GFRA1: variants seen among roughly 807,000 people sequenced by gnomAD.
GFRA1 encodes GDNF family receptor alpha-1.
Under a neutral mutation model 51.6 loss-of-function variants are expected in GFRA1, and 16 were observed. That is an observed-to-expected ratio of 0.31 (90% CI 0.21 to 0.47). GFRA1 has a LOEUF of 0.47. GFRA1 is among the 20% of genes least tolerant of loss of function. The pLI, the probability that GFRA1 is intolerant of heterozygous loss-of-function variation, is 1.00. For synonymous variants in GFRA1, 270 were observed against 241.3 expected, an observed-to-expected ratio of 1.12 and a Z score of -1.10; for missense variants, 530 against 594.3, an observed-to-expected ratio of 0.89 and a Z score of 1.13.
chr10:116,195,757 G>T (rs1963686164), intron 5 of GFRA1, among the ~76,000 whole-genome samples: 1 of 152,176 alleles, frequency 6.6e-6, no homozygotes, highest in Admixed American at 6.5e-5. Context: ...TGGGCACTCA[G>T]ATTTTCCTGC....
intron 5 of GFRA1, among the ~76,000 whole-genome samples, chr10:116,132,225 A>G (rs531692837): frequency 6.6e-6 from 1 of 152,224 alleles, no homozygotes; most frequent in Non-Finnish European, 1.5e-5. Context: ...ACAAACAAAC[A>G]AACAACAACA....
intron 5 of GFRA1, among the ~76,000 whole-genome samples, chr10:116,208,965 G>A (rs1284046350): frequency 1.3e-5 from 2 of 152,152 alleles, no homozygotes; most frequent in African/African-American, 2.4e-5. Flanking sequence ...ATGTCTCTGT[G>A]GACAACAGGG....
At chr10:116,143,182 G>A (rs1331992135) in intron 5 of GFRA1, among the ~76,000 whole-genome samples, 1 of 152,134 alleles carries the variant, frequency 6.6e-6, no homozygotes, top group Non-Finnish European at 1.5e-5. Flanking sequence ...TATACTCCAA[G>A]TGTATATTCA....
Position 116,060,697 on chromosome 10 carries a change from A to G in GFRA1, c.*3701T>C, listed in dbSNP as rs1954767585. ...AACAGAGGCAAGAGCAAGACAGATC[A>G]TGGGGGTATGAATCCAGGAGGTCAT... is the stretch of plus-strand genomic sequence containing the variant. On this transcript the variant is annotated 3_prime_UTR_variant, in exon 11 of 11. Transcript: ENST00000355422. 1 of 152,186 alleles carries G rather than the reference A, an allele frequency of 6.6e-6. No individual in the cohort carries two copies. Among genetic ancestry groups the G allele is most frequent in the Non-Finnish European group, 1.5e-5 (1 of 68,030 alleles). The allele number at this position is 152,186 out of a possible 1,614,324, so 9.4% of individuals were successfully genotyped here.
chr10:116,197,585 G>GAC (rs1963990226), intron 5 of GFRA1, among the ~76,000 whole-genome samples: 1 of 152,094 alleles, frequency 6.6e-6, no homozygotes, highest in Admixed American at 6.5e-5. Context: ...CACACACACA[G>GAC]ACACACACAC....
chr10:116,094,109 A>T lies in GFRA1; in HGVS notation c.881-273T>A, dbSNP rs182056479. 2.6e-5 allele frequency among the ~76,000 whole-genome samples: 4 copies of T among 152,306 alleles called. No individual in the cohort carries two copies. The East Asian group carries it at 7.7e-4, about 29-fold the overall frequency. On this transcript the variant is annotated intron_variant, in intron 7 of 10. Transcript: ENST00000355422. ...TGCACAAATGGTATGGATGTCGTGG[A>T]GTAGGAAAGAATTAACTTAGAGAAC...
At chr10:116,262,373 G>T (rs1029599737) in intron 4 of GFRA1, among the ~76,000 whole-genome samples, 1 of 152,136 alleles carries the variant, frequency 6.6e-6, no homozygotes, top group Non-Finnish European at 1.5e-5. Flanking sequence ...CCTTCTTGAG[G>T]TTGACATTTA....
chr10:116,202,869 C>T (rs945642233), intron 5 of GFRA1, among the ~76,000 whole-genome samples: 6 of 152,140 alleles, frequency 3.9e-5, no homozygotes, highest in Admixed American at 1.3e-4. Context: ...GGGCTAGCCC[C>T]CTTGATGGCA....
chr10:116,122,335 C>T (rs761999985), intron 6 of GFRA1, among the ~76,000 whole-genome samples: 48 of 152,286 alleles, frequency 3.2e-4, no homozygotes, highest in Admixed American at 4.6e-4. Flanking sequence ...GAAGATCGGG[C>T]AAAGTCAATA....
In GFRA1 at chr10:116,240,827, G is replaced by C. The variant is rs1967301309; in HGVS notation, c.418+28676C>G. On this transcript the variant is annotated intron_variant, in intron 4 of 10. Coordinates refer to ENST00000355422, the MANE Select transcript of GFRA1 (RefSeq NM_005264.8). ...GAAAGGAATAAACGAATGAATAGCA[G>C]CTAACACACAGGGTGCACACTCTTT... 3.3e-5 allele frequency among the ~76,000 whole-genome samples: 5 copies of C among 152,146 alleles called. No individual in the cohort carries two copies. In the South Asian group the frequency reaches 1.0e-3, roughly 32 times the overall value.
chr10:116,265,686 G>A (rs1051537613), intron 4 of GFRA1, among the ~76,000 whole-genome samples: 4 of 152,142 alleles, frequency 2.6e-5, no homozygotes, highest in East Asian at 1.9e-4. Flanking sequence ...AGTGCATTGC[G>A]CACGGTGGCT....
intron 4 of GFRA1, among the ~76,000 whole-genome samples, chr10:116,227,054 G>A (rs915053395): frequency 1.3e-5 from 2 of 152,146 alleles, no homozygotes; most frequent in African/African-American, 4.8e-5. Context: ...CTACTGTCCA[G>A]GGTTGGGAAC....
Position 116,061,858 on chromosome 10 carries a change from T to G in GFRA1, c.*2540A>C, listed in dbSNP as rs1954834732. On this transcript the variant is annotated 3_prime_UTR_variant, in exon 11 of 11. Coordinates refer to ENST00000355422, the MANE Select transcript of GFRA1 (RefSeq NM_005264.8). ...GTGTTTTAGGGTCACCGTGTCAAAC[T>G]AAGATCACACTGAATGGCGGAAACC... 2.5e-6 allele frequency: 1 copy of G among 397,094 alleles called. No homozygotes were observed. Among genetic ancestry groups the G allele is most frequent in the East Asian group, 3.6e-5 (1 of 28,066 alleles). 24.6% of individuals were successfully genotyped at this position (397,094 alleles called of 1,614,324 possible).
chr10:116,111,849 G>A (rs1389683224), intron 6 of GFRA1, among the ~76,000 whole-genome samples: 6 of 152,192 alleles, frequency 3.9e-5, no homozygotes, highest in Non-Finnish European at 7.3e-5. Context: ...CCAGAGCAAA[G>A]GCGCCTCTGA....
At chr10:116,155,167 A>G (rs1959176815) in intron 5 of GFRA1, among the ~76,000 whole-genome samples, 1 of 152,226 alleles carries the variant, frequency 6.6e-6, no homozygotes, top group Non-Finnish European at 1.5e-5. Flanking sequence ...GTTATGTATT[A>G]TAATTCCCAT....
chr10:116,082,693 G>A (rs1955903206), intron 9 of GFRA1, among the ~76,000 whole-genome samples: 1 of 152,128 alleles, frequency 6.6e-6, no homozygotes, highest in Admixed American at 6.5e-5. Context: ...TGGTCAGGCA[G>A]GTCTCAAACT....
intron 6 of GFRA1, among the ~76,000 whole-genome samples, chr10:116,122,436 T>C: frequency 6.6e-6 from 1 of 152,162 alleles, no homozygotes; most frequent in East Asian, 1.9e-4. Context: ...AAACAGTTCC[T>C]GAAACTTGTT....
At chr10:116,118,707 G>A (rs935756238) in intron 6 of GFRA1, among the ~76,000 whole-genome samples, 1 of 152,206 alleles carries the variant, frequency 6.6e-6, no homozygotes, top group Non-Finnish European at 1.5e-5. Context: ...GGTGCCATGA[G>A]TCCATCTGTC....
intron 4 of GFRA1, among the ~76,000 whole-genome samples, chr10:116,251,760 A>G (rs1402205769): frequency 6.6e-6 from 1 of 152,052 alleles, no homozygotes; most frequent in East Asian, 1.9e-4. Flanking sequence ...TGCCAGGCCC[A>G]GAGTCAGGGC....
Sources: allele counts gnomAD v4.1 joint callset (sites outside exome capture counted in the v4.1 genomes callset), GRCh38; gene constraint gnomAD v4.1.1; transcripts MANE v1.5; gene names NCBI Gene and HGNC (gene_info 2026-07-23, HGNC 2026-07-21).